The following CTNNA3 variants were observed in gnomAD, a reference collection of about 807,000 sequenced individuals.
CTNNA3 encodes catenin alpha-3.
In CTNNA3, 76 loss-of-function variants were observed where a neutral mutation model predicts 95.7. That is an observed-to-expected ratio of 0.79 (90% confidence interval 0.66 to 0.96). The LOEUF (loss-of-function observed/expected upper bound fraction) is 0.96, where lower values mean the gene tolerates loss of function less well. Ranked by LOEUF, CTNNA3 falls within the 40% of genes least tolerant of loss-of-function variation. The pLI, the probability that CTNNA3 is intolerant of heterozygous loss-of-function variation, is 0.00. For missense variants in CTNNA3, 1,191 were observed against 1,089.8 expected (o/e 1.09, Z -1.31); for synonymous variants, 431 against 374.4 (o/e 1.15, Z -1.74).
intron 13 of CTNNA3, among the ~76,000 whole-genome samples, chr10:66,134,099 A>C (rs1325516051): frequency 6.6e-6 from 1 of 152,162 alleles, no homozygotes; most frequent in Non-Finnish European, 1.5e-5. Context: ...TTAGAAGAAA[A>C]TATCGACAAC....
intron 7 of CTNNA3, among the ~76,000 whole-genome samples, chr10:67,035,433 T>C (rs1853984646): frequency 6.6e-6 from 1 of 152,190 alleles, no homozygotes; most frequent in African/African-American, 2.4e-5. Flanking sequence ...TCCTTTGAAG[T>C]TGTTGCTCTT....
intron 16 of CTNNA3, among the ~76,000 whole-genome samples, chr10:65,972,624 A>G (rs556961728): frequency 6.6e-6 from 1 of 152,124 alleles, no homozygotes; most frequent in Admixed American, 6.6e-5. Context: ...ACACCTAGGC[A>G]TGCATCTAAC....
intron 13 of CTNNA3, among the ~76,000 whole-genome samples, chr10:66,181,769 G>C (rs1255558647): frequency 6.6e-6 from 1 of 152,032 alleles, no homozygotes; most frequent in Admixed American, 6.5e-5. Flanking sequence ...TTTTGAGTTG[G>C]TATGCTTAAG....
At chr10:66,751,262 T>A (rs1028915794) in intron 9 of CTNNA3, among the ~76,000 whole-genome samples, 2 of 151,916 alleles carry the variant, frequency 1.3e-5, no homozygotes, top group African/African-American at 4.8e-5. Flanking sequence ...AGTGAGACTA[T>A]CTTGAAAAAA....
rs181872626 is a variant in CTNNA3, at chr10:66,915,773, G to C, written c.1048-140249C>G. Reference sequence around the variant, plus strand: ...ATACATTTTTTTTTTTTTTTTAGATGGAGCCTCGCTCTGTAGCCAGGCTGG... The same window carrying C: ...ATACATTTTTTTTTTTTTTTTAGATCGAGCCTCGCTCTGTAGCCAGGCTGG... On this transcript the variant is annotated intron_variant, in intron 7 of 17. Transcript: ENST00000433211. 3.6e-3 allele frequency among the ~76,000 whole-genome samples: 519 copies of C among 145,588 alleles called. 3 individuals are homozygous for C. Among genetic ancestry groups the C allele is most frequent in the African/African-American group, 0.013 (492 of 39,164 alleles).
chr10:67,481,247 T>C (rs1848213621), intron 5 of CTNNA3, among the ~76,000 whole-genome samples: 1 of 152,132 alleles, frequency 6.6e-6, no homozygotes. Context: ...TCACTACTCA[T>C]CTTCAGCATA....
intron 9 of CTNNA3, among the ~76,000 whole-genome samples, chr10:66,664,904 A>C (rs1846392980): frequency 6.6e-6 from 1 of 151,748 alleles, no homozygotes; most frequent in African/African-American, 2.4e-5. Flanking sequence ...AAAAAAAAAA[A>C]AAAAAACAGA....
intron 3 of CTNNA3, among the ~76,000 whole-genome samples, chr10:67,575,404 C>A (rs527264680): frequency 2.6e-5 from 4 of 152,134 alleles, no homozygotes; most frequent in Admixed American, 1.3e-4. Context: ...CTGTTTCTGG[C>A]ATTTTCCCTC....
chr10:66,755,093 A>G (rs767303153), intron 9 of CTNNA3, among the ~76,000 whole-genome samples: 1 of 152,206 alleles, frequency 6.6e-6, no homozygotes, highest in Non-Finnish European at 1.5e-5. Context: ...AGAGAATGAA[A>G]TGCAGTACAC....
At chr10:66,103,021 C>CT in intron 14 of CTNNA3, 136 bp downstream of exon 14, 2 of 689,036 alleles carry the variant, frequency 2.9e-6, no homozygotes, top group Non-Finnish European at 2.6e-6. Context: ...AATGCTAAGG[C>CT]TTTTCTCCAT....
chr10:66,868,773 C>G (rs920801195), intron 7 of CTNNA3, among the ~76,000 whole-genome samples: 3 of 148,402 alleles, frequency 2.0e-5, no homozygotes, highest in Non-Finnish European at 3.0e-5. Context: ...AAAAATCAGA[C>G]AAAGTGCCTA....
chr10:67,138,070 A>G (rs1860382900), intron 7 of CTNNA3, among the ~76,000 whole-genome samples: 2 of 152,114 alleles, frequency 1.3e-5, no homozygotes, highest in South Asian at 2.1e-4. Flanking sequence ...ACAGGAAGAG[A>G]CTTCAAAATT....
chr10:67,564,663 A>ATGTGTGTGTG (rs1201263970), intron 3 of CTNNA3, among the ~76,000 whole-genome samples: 9 of 95,518 alleles, frequency 9.4e-5, no homozygotes, highest in African/African-American at 4.5e-4. Context: ...ATATGCATAT[A>ATGTGTGTGTG]TGTGTGTGTG....
At chr10:66,069,641 T>C in intron 14 of CTNNA3, 152 bp from the exon 15 acceptor site, 1 of 547,788 alleles carries the variant, frequency 1.8e-6, no homozygotes. Flanking sequence ...TTTCCAGGCT[T>C]AATATTTCAT....
chr10:66,535,337 A>T (rs1002333522), intron 10 of CTNNA3, among the ~76,000 whole-genome samples: 3 of 152,214 alleles, frequency 2.0e-5, no homozygotes, highest in African/African-American at 7.2e-5. Flanking sequence ...GAGCTGTAAC[A>T]TGCCGTGTAA....
In CTNNA3 at chr10:67,289,328, A is replaced by C. The variant is rs1321725280; in HGVS notation, c.580-69458T>G. On this transcript the variant is annotated intron_variant, in intron 5 of 17. Transcript: ENST00000433211. The stretch of plus-strand genomic sequence containing the variant: ...ACCAGTTGCAAATAGCCTAAGTTTT[A>C]AAGTACATCAAACATCGTTATATGC... 4.6e-5 allele frequency among the ~76,000 whole-genome samples: 7 copies of C among 152,174 alleles called. No homozygotes were observed. The East Asian group carries it at 1.3e-3, about 29-fold the overall frequency.
intron 13 of CTNNA3, among the ~76,000 whole-genome samples, chr10:66,174,039 T>C (rs2085574396): frequency 6.6e-6 from 1 of 152,168 alleles, no homozygotes; most frequent in Non-Finnish European, 1.5e-5. Flanking sequence ...ACTCTGATGC[T>C]TTCAATACAT....
At chr10:66,494,960 G>A (rs755651146) in intron 11 of CTNNA3, among the ~76,000 whole-genome samples, 4 of 152,190 alleles carry the variant, frequency 2.6e-5, no homozygotes, top group Non-Finnish European at 5.9e-5. Context: ...GATTTCCCTT[G>A]CCAGTTGAGG....
chr10:66,194,943 T>C (rs1220778564), intron 13 of CTNNA3, among the ~76,000 whole-genome samples: 2 of 152,206 alleles, frequency 1.3e-5, no homozygotes, highest in Non-Finnish European at 2.9e-5. Flanking sequence ...ATGAACTTTG[T>C]TCTAGGCATA....
Sources: allele counts gnomAD v4.1 joint callset (sites outside exome capture counted in the v4.1 genomes callset), GRCh38; gene constraint gnomAD v4.1.1; transcripts MANE v1.5; gene names NCBI Gene and HGNC (gene_info 2026-07-23, HGNC 2026-07-21).